The following NUMB variants were observed in gnomAD, a reference collection of about 807,000 sequenced individuals.
NUMB encodes protein numb homolog.
Under a neutral mutation model 59.7 loss-of-function variants are expected in NUMB, and 29 were observed. The ratio of observed to expected loss-of-function variants is 0.49; its 90% confidence interval spans 0.36 to 0.66. NUMB has a LOEUF of 0.66. Ranked by LOEUF, NUMB falls within the 30% of genes least tolerant of loss-of-function variation. The pLI, the probability that NUMB is intolerant of heterozygous loss-of-function variation, is 0.00. For synonymous variants in NUMB, 288 were observed against 288.2 expected (o/e 1.00, Z 0.01); for missense variants, 723 against 822.0 (o/e 0.88, Z 1.47).
intron 2 of NUMB, among the ~76,000 whole-genome samples, chr14:73,377,368 T>G (rs1292748158): frequency 6.6e-6 from 1 of 152,186 alleles, no homozygotes; most frequent in Non-Finnish European, 1.5e-5. Context: ...CTGGGTATAG[T>G]GGGTCATGCC....
Position 73,404,547 on chromosome 14 carries a change from G to GA in NUMB, c.-101+5389dup, listed in dbSNP as rs1314515088. Among the ~76,000 whole-genome samples, 13 of 152,162 alleles carry GA rather than the reference G, an allele frequency of 8.5e-5. No individual in the cohort carries two copies. The East Asian group carries it at 2.5e-3, about 29-fold the overall frequency. ...ATTAGAATACACATATAAAGCATGG[G>GA]AAAATGTGAAAAAATATTGAAATAT... On this transcript the variant is annotated intron_variant, in intron 2 of 12. Coordinates refer to ENST00000555238, the MANE Select transcript of NUMB (RefSeq NM_001005743.2).
At chr14:73,323,043 A>T in intron 5 of NUMB, 87 bp downstream of exon 5, 1 of 958,404 alleles carries the variant, frequency 1.0e-6, no homozygotes, top group Non-Finnish European at 1.6e-6. Context: ...CACAGTTTTT[A>T]CTGGGTCACT....
At chr14:73,277,359 G>A in intron 12 of NUMB, 66 bp from the exon 13 acceptor site, 1 of 1,266,384 alleles carries the variant, frequency 7.9e-7, no homozygotes, top group Non-Finnish European at 1.1e-6. Flanking sequence ...TTATAATCTT[G>A]GTTATTTGAA....
chr14:73,428,637 A>T (rs993050877), intron 1 of NUMB, among the ~76,000 whole-genome samples: 3 of 152,096 alleles, frequency 2.0e-5, no homozygotes, highest in African/African-American at 7.2e-5. Context: ...AAAAAAAATT[A>T]AAAATTAGCC....
rs1892056443 is a variant in NUMB, at chr14:73,332,736, TA to T, written c.127-9533del. ...TGTATTCAACCCCCCGATTCTAAAATAAAACAACATTAAGCAGTTGTCTCCA... is the reference window on the plus strand; with the variant it reads ...TGTATTCAACCCCCCGATTCTAAAATAAACAACATTAAGCAGTTGTCTCCA... On this transcript the variant is annotated intron_variant, in intron 4 of 12. Transcript: ENST00000555238. Among the ~76,000 whole-genome samples the T allele has an allele frequency of 6.3e-5, 2 of 31,752 alleles. 1 individual carries two copies. The highest frequency in any genetic ancestry group is 1.0e-4 in the Non-Finnish European group (2 of 19,548). 20.8% of individuals were successfully genotyped at this position (31,752 alleles called of 152,430 possible).
intron 8 of NUMB, among the ~76,000 whole-genome samples, chr14:73,287,732 T>G (rs1016046869): frequency 6.6e-6 from 1 of 152,218 alleles, no homozygotes; most frequent in African/African-American, 2.4e-5. Flanking sequence ...TAAAATTGTT[T>G]TAATAGATTA....
At chr14:73,397,516 G>C (rs987629567) in intron 2 of NUMB, among the ~76,000 whole-genome samples, 1 of 152,064 alleles carries the variant, frequency 6.6e-6, no homozygotes, top group Non-Finnish European at 1.5e-5. Context: ...CTTAATTATT[G>C]GCTCTGGTGA....
intron 1 of NUMB, chr14:73,457,488 A>G (rs1884468466): frequency 6.6e-6 from 1 of 152,062 alleles, no homozygotes; most frequent in South Asian, 2.1e-4. Context: ...CCACGAAACC[A>G]TTACTCTCTC....
At chr14:73,419,465 C>T (rs946687050) in intron 1 of NUMB, among the ~76,000 whole-genome samples, 2 of 151,992 alleles carry the variant, frequency 1.3e-5, no homozygotes, top group East Asian at 1.9e-4. Flanking sequence ...GCTGAGATTG[C>T]GCCACTGCAC....
chr14:73,315,090 C>G (rs1468574751), intron 6 of NUMB, among the ~76,000 whole-genome samples: 2 of 151,940 alleles, frequency 1.3e-5, no homozygotes, highest in Non-Finnish European at 2.9e-5. Flanking sequence ...AGAGGAGTAA[C>G]TGAATTAAAT....
intron 8 of NUMB, among the ~76,000 whole-genome samples, chr14:73,289,486 AG>A (rs1566728132): frequency 6.6e-6 from 1 of 152,236 alleles, no homozygotes; most frequent in African/African-American, 2.4e-5. Flanking sequence ...ATTTGGGAAC[AG>A]GAAGTCTTTT....
At chr14:73,367,392 A>T (rs1403795312) in intron 2 of NUMB, among the ~76,000 whole-genome samples, 2 of 141,784 alleles carry the variant, frequency 1.4e-5, no homozygotes, top group African/African-American at 2.6e-5. Context: ...GGATATTGTT[A>T]TTTATTGAGA....
rs561804255 is a variant in NUMB, at chr14:73,382,300, T to A, written c.-100-15319A>T. 2.0e-5 allele frequency among the ~76,000 whole-genome samples: 3 copies of A among 152,120 alleles called. 1 individual carries two copies. In the South Asian group the frequency reaches 6.2e-4, roughly 32 times the overall value. ...CAGCTGGGATTACAGGCGCATGCCA[T>A]CATGCCTGGCTAATTTTTGTATTTT... On this transcript the variant is annotated intron_variant, in intron 2 of 12. Transcript: ENST00000555238.
chr14:73,305,394 C>T (rs960402273), intron 6 of NUMB, among the ~76,000 whole-genome samples: 3 of 151,814 alleles, frequency 2.0e-5, no homozygotes, highest in Non-Finnish European at 4.4e-5. Flanking sequence ...TCCCCGAATT[C>T]ATTTTCTTTT....
chr14:73,453,166 CTT>C (rs1362616445), intron 1 of NUMB, among the ~76,000 whole-genome samples: 1 of 152,102 alleles, frequency 6.6e-6, no homozygotes, highest in Non-Finnish European at 1.5e-5. Flanking sequence ...GAGTTTCTCT[CTT>C]GTTGCCCAGG....
intron 7 of NUMB, among the ~76,000 whole-genome samples, chr14:73,293,651 A>C (rs776817360): frequency 5.9e-5 from 9 of 152,140 alleles, no homozygotes; most frequent in Admixed American, 1.3e-4. Context: ...TTGGCCTCCC[A>C]AAGTGCTGGG....
intron 3 of NUMB, among the ~76,000 whole-genome samples, chr14:73,359,849 G>C (rs1221512574): frequency 1.3e-5 from 2 of 151,744 alleles, no homozygotes; most frequent in African/African-American, 4.9e-5. Flanking sequence ...GTCCTCTCTT[G>C]TCTTGCTCCT....
At chr14:73,369,926 C>G (rs995073633) in intron 2 of NUMB, among the ~76,000 whole-genome samples, 2 of 152,190 alleles carry the variant, frequency 1.3e-5, no homozygotes, top group Admixed American at 6.5e-5. Flanking sequence ...TAATTAACTT[C>G]TAATATCATG....
chr14:73,313,680 A>AAAAAAAAAAAAAAAAAAAAC (rs1890910916), intron 6 of NUMB, among the ~76,000 whole-genome samples: 1 of 151,038 alleles, frequency 6.6e-6, no homozygotes, highest in African/African-American at 2.4e-5. Context: ...AAAAAAAAAA[A>AAAAAAAAAAAAAAAAAAAAC]AAAAATCCAA....
Sources: gnomAD v4.1 joint callset for allele counts (sites outside exome capture counted in the v4.1 genomes callset) on GRCh38, gnomAD v4.1.1 for gene constraint, MANE v1.5 for transcripts, NCBI Gene and HGNC (gene_info 2026-07-23, HGNC 2026-07-21) for gene names.